The following PIBF1 variants were observed in gnomAD, a reference collection of about 807,000 sequenced individuals.
PIBF1 encodes progesterone-induced-blocking factor 1.
PIBF1 carries 90 observed loss-of-function variants against 112.5 expected under a neutral mutation model. The observed-to-expected ratio is 0.80, with a 90% CI of 0.67 to 0.95. PIBF1 has a LOEUF of 0.95. Among genes scored for constraint, PIBF1 ranks in the 40% least tolerant of loss-of-function variants. PIBF1 has a pLI of 0.00. For synonymous variants in PIBF1, 301 were observed against 288.6 expected (o/e 1.04, Z -0.44); for missense variants, 915 against 852.3 (o/e 1.07, Z -0.92).
intron 14 of PIBF1, among the ~76,000 whole-genome samples, chr13:72,943,086 G>A (rs1219634730): frequency 6.6e-6 from 1 of 152,120 alleles, no homozygotes; most frequent in Admixed American, 6.6e-5. Context: ...ACACTTAGAT[G>A]AGATACTACA....
chr13:72,945,725 CAA>C (rs2042132410), intron 14 of PIBF1, among the ~76,000 whole-genome samples: 1 of 151,538 alleles, frequency 6.6e-6, no homozygotes, highest in Non-Finnish European at 1.5e-5. Context: ...GAATTACTGA[CAA>C]AATAAATTTG....
intron 9 of PIBF1, among the ~76,000 whole-genome samples, chr13:72,839,798 A>G (rs1403423072): frequency 6.6e-6 from 1 of 152,154 alleles, no homozygotes; most frequent in Non-Finnish European, 1.5e-5. Flanking sequence ...GTAGGTTGGT[A>G]GGTAAGGCTG....
chr13:72,887,741 A>G (rs934020220), intron 10 of PIBF1, among the ~76,000 whole-genome samples: 1 of 152,032 alleles, frequency 6.6e-6, no homozygotes, highest in African/African-American at 2.4e-5. Flanking sequence ...CTTTTCCCAG[A>G]TATCTTTACC....
chr13:73,005,135 G>A (rs890238565), intron 17 of PIBF1, among the ~76,000 whole-genome samples: 14 of 152,028 alleles, frequency 9.2e-5, no homozygotes, highest in African/African-American at 2.4e-4. Flanking sequence ...AGATCACGTC[G>A]TTGCACTCTA....
At chr13:72,867,359 G>A (rs922663119) in intron 10 of PIBF1, among the ~76,000 whole-genome samples, 1 of 152,072 alleles carries the variant, frequency 6.6e-6, no homozygotes, top group Non-Finnish European at 1.5e-5. Flanking sequence ...TCTCAGGTAT[G>A]TCTTTATCAG....
At chr13:72,856,691 G>A (rs2138339781) in intron 10 of PIBF1, among the ~76,000 whole-genome samples, 1 of 152,192 alleles carries the variant, frequency 6.6e-6, no homozygotes, top group African/African-American at 2.4e-5. Flanking sequence ...TGTTTTTTAA[G>A]ATATAATATC....
At chr13:72,808,288 A>G (rs1277475836) in intron 5 of PIBF1, among the ~76,000 whole-genome samples, 1 of 152,184 alleles carries the variant, frequency 6.6e-6, no homozygotes, top group Non-Finnish European at 1.5e-5. Context: ...GAGAATTGTT[A>G]AAATAGGAGC....
chr13:72,996,431 A>G (rs2043674097), intron 16 of PIBF1, among the ~76,000 whole-genome samples: 1 of 152,184 alleles, frequency 6.6e-6, no homozygotes, highest in Non-Finnish European at 1.5e-5. Flanking sequence ...CCTAAGTTTA[A>G]ACAATAATAA....
chr13:72,845,037 G>C (rs1445665674), intron 9 of PIBF1, among the ~76,000 whole-genome samples: 2 of 151,846 alleles, frequency 1.3e-5, no homozygotes, highest in Non-Finnish European at 1.5e-5. Flanking sequence ...TTGTTGCATA[G>C]GTATACATGT....
intron 17 of PIBF1, among the ~76,000 whole-genome samples, chr13:73,006,088 T>C (rs562211545): frequency 6.6e-6 from 1 of 152,046 alleles, no homozygotes; most frequent in East Asian, 1.9e-4. Flanking sequence ...CCCAATAATT[T>C]TTGTGTTTTT....
chr13:72,857,873 C>T (rs1214832677), intron 10 of PIBF1, among the ~76,000 whole-genome samples: 3 of 152,144 alleles, frequency 2.0e-5, no homozygotes, highest in African/African-American at 7.2e-5. Context: ...CAAACTATGC[C>T]TGTTTTCCAC....
At chr13:72,823,564 C>A (rs947692176) in intron 6 of PIBF1, among the ~76,000 whole-genome samples, 1 of 151,968 alleles carries the variant, frequency 6.6e-6, no homozygotes, top group Non-Finnish European at 1.5e-5. Flanking sequence ...GAAAAAAAAG[C>A]CCTTTTATGC....
At chr13:72,941,522 A>G (rs1188733251) in intron 14 of PIBF1, among the ~76,000 whole-genome samples, 1 of 152,200 alleles carries the variant, frequency 6.6e-6, no homozygotes, top group Non-Finnish European at 1.5e-5. Flanking sequence ...TTCACTTCTA[A>G]CATAACCAAC....
chr13:73,010,690 C>T (rs1343464896), intron 17 of PIBF1, among the ~76,000 whole-genome samples: 1 of 151,866 alleles, frequency 6.6e-6, no homozygotes, highest in Admixed American at 6.6e-5. Flanking sequence ...GCTGGCTCAC[C>T]TTTCCCAGTC....
intron 14 of PIBF1, among the ~76,000 whole-genome samples, chr13:72,950,204 T>C (rs1345922189): frequency 6.6e-6 from 1 of 152,200 alleles, no homozygotes; most frequent in East Asian, 1.9e-4. Context: ...TTTGAATAAT[T>C]CTAGTCTGTA....
At chr13:72,913,936 A>G (rs1323656133) in intron 12 of PIBF1, among the ~76,000 whole-genome samples, 2 of 152,228 alleles carry the variant, frequency 1.3e-5, no homozygotes, top group African/African-American at 4.8e-5. Flanking sequence ...CTAGAAGATC[A>G]GTAACTAGGT....
chr13:72,823,999 A>G (rs2036684147), intron 6 of PIBF1, among the ~76,000 whole-genome samples: 1 of 151,992 alleles, frequency 6.6e-6, no homozygotes, highest in Non-Finnish European at 1.5e-5. Flanking sequence ...TTAACACACT[A>G]TGGATGAGAT....
intron 14 of PIBF1, among the ~76,000 whole-genome samples, chr13:72,965,011 G>A (rs541426267): frequency 9.9e-5 from 15 of 152,250 alleles, no homozygotes; most frequent in African/African-American, 3.6e-4. Context: ...GCAGTGAGCC[G>A]AGATCGCGCC....
chr13:72,965,122 C>G, intron 14 of PIBF1, 152 bp from the exon 15 acceptor site: 1 of 655,132 alleles, frequency 1.5e-6, no homozygotes, highest in South Asian at 1.9e-5. Context: ...TATATTGATT[C>G]ACTCTTAAAA....
Sources: gnomAD v4.1 joint callset for allele counts (sites outside exome capture counted in the v4.1 genomes callset) on GRCh38, gnomAD v4.1.1 for gene constraint, MANE v1.5 for transcripts, NCBI Gene and HGNC (gene_info 2026-07-23, HGNC 2026-07-21) for gene names.